Variants in SV2C observed in about 807,000 individuals in gnomAD.
SV2C encodes solute carrier family 22 member B3.
SV2C carries 49 observed loss-of-function variants against 79.7 expected under a neutral mutation model. That is an observed-to-expected ratio of 0.61 (90% CI 0.49 to 0.78). SV2C has a LOEUF of 0.78. SV2C is among the 30% of genes least tolerant of loss of function. The pLI is 0.00. For synonymous variants in SV2C, 334 were observed against 333.2 expected (o/e 1.00, Z -0.03); for missense variants, 833 against 912.9 (o/e 0.91, Z 1.13).
the SV2C span, among the ~76,000 whole-genome samples, chr5:75,894,006 T>G: frequency 6.6e-6 from 1 of 151,998 alleles, no homozygotes; most frequent in Admixed American, 6.6e-5. Context: ...ATGGAGAATT[T>G]TTGTTCCACA....
chr5:75,889,164 G>A, the SV2C span, among the ~76,000 whole-genome samples: 15 of 151,714 alleles, frequency 9.9e-5, no homozygotes, highest in African/African-American at 2.9e-4. Flanking sequence ...GTATACATGT[G>A]GCATGGTGGT....
the SV2C span, among the ~76,000 whole-genome samples, chr5:75,907,482 G>A: frequency 3.7e-4 from 56 of 152,136 alleles, no homozygotes; most frequent in Non-Finnish European, 8.8e-5. Flanking sequence ...GTGGGATGGG[G>A]GGAGGATGGG....
At chr5:75,910,424 C>CT in the SV2C span, 1 of 594,246 alleles carries the variant, frequency 1.7e-6, no homozygotes, top group Non-Finnish European at 3.2e-6. Flanking sequence ...TTCTGATACT[C>CT]TTTTTGAACT....
chr5:76,237,948 A>T (rs1029998656), intron 4 of SV2C, among the ~76,000 whole-genome samples: 1 of 151,286 alleles, frequency 6.6e-6, no homozygotes, highest in Admixed American at 6.6e-5. Context: ...TTGAAGGCTT[A>T]TGGCCCTAGT....
At chr5:75,982,485 A>AG in the SV2C span, among the ~76,000 whole-genome samples, 5 of 152,346 alleles carry the variant, frequency 3.3e-5, no homozygotes, top group East Asian at 7.7e-4. Context: ...GAGATTGTGG[A>AG]GAAAAAGGAA....
chr5:75,967,732 T>C, the SV2C span, among the ~76,000 whole-genome samples: 1 of 152,232 alleles, frequency 6.6e-6, no homozygotes, highest in African/African-American at 2.4e-5. Context: ...CTCTGTAGGC[T>C]CCACCTCTGG....
At chr5:76,242,446 C>T in intron 4 of SV2C, 2 of 582,406 alleles carry the variant, frequency 3.4e-6, no homozygotes, top group South Asian at 3.1e-5. Context: ...CCTCGGCCTC[C>T]CAAAGTGCTG....
At chr5:75,856,247 A>G in the SV2C span, among the ~76,000 whole-genome samples, 2 of 152,212 alleles carry the variant, frequency 1.3e-5, no homozygotes, top group Admixed American at 6.5e-5. Context: ...CAGTGCTGCA[A>G]CAGACATAGG....
At chr5:76,309,427 C>T (rs934408996) in intron 12 of SV2C, among the ~76,000 whole-genome samples, 2 of 151,620 alleles carry the variant, frequency 1.3e-5, no homozygotes, top group African/African-American at 2.4e-5. Flanking sequence ...GGTGAAACCC[C>T]GTCTCTACTA....
chr5:75,995,674 C>G, the SV2C span, among the ~76,000 whole-genome samples: 2 of 152,074 alleles, frequency 1.3e-5, no homozygotes, highest in African/African-American at 4.8e-5. Context: ...AATGCTTTGA[C>G]TCGATCTAAG....
At chr5:76,164,375 T>C (rs1742981491) in intron 2 of SV2C, among the ~76,000 whole-genome samples, 1 of 152,184 alleles carries the variant, frequency 6.6e-6, no homozygotes, top group East Asian at 1.9e-4. Flanking sequence ...TTAGGGACCA[T>C]TATTTGTGTC....
intron 4 of SV2C, among the ~76,000 whole-genome samples, chr5:76,237,251 T>G (rs1360352868): frequency 6.6e-6 from 1 of 152,244 alleles, no homozygotes; most frequent in Non-Finnish European, 1.5e-5. Flanking sequence ...TTGAGTATGA[T>G]TACTTTCTCA....
chr5:75,978,410 G>A, the SV2C span, among the ~76,000 whole-genome samples: 12 of 152,224 alleles, frequency 7.9e-5, no homozygotes, highest in South Asian at 8.3e-4. Context: ...AAATAGTCAC[G>A]TGTCCTCAAA....
At chr5:76,178,260 G>A (rs551804755) in intron 2 of SV2C, among the ~76,000 whole-genome samples, 10 of 152,334 alleles carry the variant, frequency 6.6e-5, no homozygotes, top group African/African-American at 2.2e-4. Context: ...CCAGAATCAA[G>A]GAGAGGCAAC....
chr5:76,061,584 C>T, the SV2C span, among the ~76,000 whole-genome samples: 3 of 151,956 alleles, frequency 2.0e-5, no homozygotes, highest in South Asian at 6.2e-4. Context: ...CCTCCTCTGC[C>T]CCCAGATTTT....
At chr5:76,184,473 T>C (rs1005518537) in intron 2 of SV2C, among the ~76,000 whole-genome samples, 13 of 152,226 alleles carry the variant, frequency 8.5e-5, no homozygotes, top group Non-Finnish European at 1.3e-4. Context: ...GTTCTCATAC[T>C]GCTATAAAGA....
intron 4 of SV2C, among the ~76,000 whole-genome samples, chr5:76,225,393 A>C (rs981112): frequency 0.16 from 24,037 of 152,208 alleles, 2,271 homozygotes; most frequent in Admixed American, 0.23. Context: ...CATGGAATGT[A>C]TAAGACAAAA....
rs1561229826 is a variant in SV2C, at chr5:76,132,185, C to CG, written c.437dup (p.His147SerfsTer34). ...AGTATGAGCTGATAATCCAAGAATG[C>CG]GGTCATGGTCGTTTTCAGTGGGCCC... is the stretch of plus-strand genomic sequence containing the variant. On this transcript the variant is annotated frameshift_variant, in exon 2 of 13. Coordinates refer to ENST00000502798, the MANE Select transcript of SV2C (RefSeq NM_014979.4). LOFTEE classifies it high-confidence loss of function. 7 of 1,614,112 alleles carry CG rather than the reference C, an allele frequency of 4.3e-6. No individual in the cohort carries two copies. Among genetic ancestry groups the CG allele is most frequent in the Non-Finnish European group, 5.9e-6 (7 of 1,180,024 alleles).
upstream of SV2C, chr5:76,079,036 CAT>C (rs1746934448): frequency 2.4e-6 from 1 of 415,262 alleles, no homozygotes; most frequent in African/African-American, 2.1e-5. Context: ...CATCAACAGA[CAT>C]TGGTCCACCA....
Sources: gnomAD v4.1 joint callset for allele counts (sites outside exome capture counted in the v4.1 genomes callset) on GRCh38, gnomAD v4.1.1 for gene constraint, MANE v1.5 for transcripts, NCBI Gene and HGNC (gene_info 2026-07-23, HGNC 2026-07-21) for gene names.